CYP2C18: variants seen among roughly 807,000 people sequenced by gnomAD.
CYP2C18 encodes the protein cytochrome P450 family 2 subfamily C member 18.
Under a neutral mutation model 41.3 loss-of-function variants are expected in CYP2C18, and 38 were observed. The observed-to-expected ratio is 0.92, with a 90% CI of 0.71 to 1.21. The LOEUF (loss-of-function observed/expected upper bound fraction) is 1.21, where lower values mean the gene tolerates loss of function less well. CYP2C18 is among the 50% of genes most tolerant of loss of function. The pLI is 0.00. For synonymous variants in CYP2C18, 236 were observed against 210.0 expected (o/e 1.12, Z -1.07); for missense variants, 635 against 591.4 (o/e 1.07, Z -0.77).
At chr10:94,727,207 G>A (rs1195614201) in intron 7 of CYP2C18, among the ~76,000 whole-genome samples, 2 of 152,170 alleles carry the variant, frequency 1.3e-5, no homozygotes, top group African/African-American at 2.4e-5. Flanking sequence ...AAAAGCCTGA[G>A]TAGTTAAAAA....
chr10:94,704,150 C>T (rs1847294635), intron 4 of CYP2C18, among the ~76,000 whole-genome samples: 1 of 152,138 alleles, frequency 6.6e-6, no homozygotes, highest in Non-Finnish European at 1.5e-5. Flanking sequence ...TCGTTGGGAA[C>T]CACAGACTGG....
chr10:94,712,018 T>TC (rs946953376), intron 5 of CYP2C18, among the ~76,000 whole-genome samples: 2 of 145,938 alleles, frequency 1.4e-5, no homozygotes, highest in African/African-American at 5.1e-5. Flanking sequence ...ATTTTTTTTT[T>TC]TTTTTTTTTT....
Position 94,694,850 on chromosome 10 carries a change from T to A in CYP2C18, c.482-67T>A, listed in dbSNP as rs546288967. 2.0e-6 allele frequency: 3 copies of A among 1,525,210 alleles called. No individual in the cohort carries two copies. In the East Asian group the frequency reaches 7.1e-5, roughly 36 times the overall value. The allele number at this position is 1,525,210 out of a possible 1,614,324, so 94.5% of individuals were successfully genotyped here. On this transcript the variant is annotated intron_variant, in intron 3 of 8. Transcript: ENST00000285979. ...TAGAGTTTCTAAAAATACTTTTTCC[T>A]GTATCAAAGACAAAGTATTTTATAT...
chr10:94,687,114 A>T (rs919707821), intron 1 of CYP2C18, among the ~76,000 whole-genome samples: 1 of 152,182 alleles, frequency 6.6e-6, no homozygotes, highest in Non-Finnish European at 1.5e-5. Flanking sequence ...TCTGTGACCT[A>T]TGAGTGTATA....
At chr10:94,697,885 G>A (rs1847151208) in intron 4 of CYP2C18, among the ~76,000 whole-genome samples, 1 of 152,112 alleles carries the variant, frequency 6.6e-6, no homozygotes, top group Non-Finnish European at 1.5e-5. Flanking sequence ...AGACAAACAA[G>A]GCCATTACAT....
chr10:94,703,151 C>A (rs958652182), intron 4 of CYP2C18, among the ~76,000 whole-genome samples: 4 of 152,164 alleles, frequency 2.6e-5, no homozygotes, highest in Non-Finnish European at 5.9e-5. Context: ...CCAGAGTTCT[C>A]CTGTATGACA....
chr10:94,707,005 G>A (rs1158455892), intron 5 of CYP2C18, 45 bp downstream of exon 5: 1 of 1,535,438 alleles, frequency 6.5e-7, no homozygotes, highest in Non-Finnish European at 8.9e-7. Context: ...TCATTGATTA[G>A]TTCTATAACG....
At position 94,727,412 on chromosome 10, in the gene CYP2C18, G is replaced by A. The variant is rs866855599; in HGVS notation, c.1149+2879G>A. Among the ~76,000 whole-genome samples the A allele has an allele frequency of 9.2e-5, 14 of 152,134 alleles. No homozygotes were observed. The Middle Eastern group carries it at 0.02, about 222-fold the overall frequency. On this transcript the variant is annotated intron_variant, in intron 7 of 8. Coordinates refer to ENST00000285979, the MANE Select transcript of CYP2C18 (RefSeq NM_000772.3). The stretch of plus-strand genomic sequence containing the variant: ...GAAGGATCATTTGCACCCAGGAGCT[G>A]GAGGCCAGCCTGAGCAACATAGTGA...
chr10:94,690,128 T>G (rs1443192544), intron 3 of CYP2C18, among the ~76,000 whole-genome samples: 1 of 152,136 alleles, frequency 6.6e-6, no homozygotes, highest in African/African-American at 2.4e-5. Flanking sequence ...GAAGTCTGTT[T>G]TGGGGCAACC....
intron 5 of CYP2C18, among the ~76,000 whole-genome samples, chr10:94,715,513 T>G (rs1216392561): frequency 6.6e-6 from 1 of 152,214 alleles, no homozygotes; most frequent in Non-Finnish European, 1.5e-5. Flanking sequence ...GAACCAGCCT[T>G]GCATCCCAGG....
rs75756203 is a variant in CYP2C18, at chr10:94,709,629, G to C, written c.819+2669G>C. On this transcript the variant is annotated intron_variant, in intron 5 of 8. Coordinates refer to ENST00000285979, the MANE Select transcript of CYP2C18 (RefSeq NM_000772.3). Reference sequence around the variant, plus strand: ...TGAAATCCAATTTATTTATTTATTTGCATGGTTTCTTGCAATTTTTTTGTC... The same window carrying C: ...TGAAATCCAATTTATTTATTTATTTCCATGGTTTCTTGCAATTTTTTTGTC... Among the ~76,000 whole-genome samples the C allele has an allele frequency of 3.1e-3, 476 of 152,036 alleles. 3 individuals are homozygous for C. Among genetic ancestry groups the C allele is most frequent in the African/African-American group, 0.011 (449 of 41,480 alleles).
At chr10:94,699,440 TA>T (rs1478123960) in intron 4 of CYP2C18, among the ~76,000 whole-genome samples, 1 of 152,168 alleles carries the variant, frequency 6.6e-6, no homozygotes, top group Admixed American at 6.5e-5. Context: ...CCCTTCATGC[TA>T]AAAACTTTCA....
chr10:94,720,806 GTC>G (rs1170539408), intron 6 of CYP2C18, among the ~76,000 whole-genome samples: 1 of 152,160 alleles, frequency 6.6e-6, no homozygotes, highest in Non-Finnish European at 1.5e-5. Context: ...TTAATAAAGT[GTC>G]TAGATTTCAT....
At chr10:94,699,293 G>A (rs932459036) in intron 4 of CYP2C18, among the ~76,000 whole-genome samples, 1 of 152,148 alleles carries the variant, frequency 6.6e-6, no homozygotes. Flanking sequence ...GATGAAGTGG[G>A]CTTCATCCCT....
At chr10:94,696,205 C>G (rs183611485) in intron 4 of CYP2C18, among the ~76,000 whole-genome samples, 2 of 152,146 alleles carry the variant, frequency 1.3e-5, no homozygotes, top group African/African-American at 2.4e-5. Flanking sequence ...CCTGACCCCC[C>G]AGTAGCCTAA....
In CYP2C18 at chr10:94,720,468, G is replaced by C. The variant is rs753270728; in HGVS notation, c.892G>C (p.Gly298Arg). 14 of 1,613,164 alleles carry C rather than the reference G, an allele frequency of 8.7e-6. No individual in the cohort carries two copies. In the East Asian group the frequency reaches 3.1e-4, roughly 36 times the overall value. Residue 298 changes from glycine to arginine, a missense_variant, in exon 6 of 9, where the codon GGA becomes CGA. By Grantham distance (125) the Gly-to-Arg change is moderately radical. Transcript: ENST00000285979. ...IATVTDMFGA[G>R]TETTSTTLRY... ...CACTGTAACTGATATGTTTGGGGCT[G>C]GAACAGAGACAACGAGCACCACTCT...
intron 5 of CYP2C18, among the ~76,000 whole-genome samples, chr10:94,711,252 A>G (rs1288134685): frequency 6.6e-6 from 1 of 152,038 alleles, no homozygotes; most frequent in Non-Finnish European, 1.5e-5. Context: ...TACTAGATCA[A>G]GTTGACTATT....
intron 7 of CYP2C18, among the ~76,000 whole-genome samples, chr10:94,725,020 G>C (rs1926711): frequency 6.7e-6 from 1 of 148,340 alleles, no homozygotes; most frequent in Non-Finnish European, 1.5e-5. Context: ...CATGTATTAC[G>C]TTTTTTTTCT....
intron 4 of CYP2C18, among the ~76,000 whole-genome samples, chr10:94,698,188 G>C (rs557281644): frequency 1.3e-5 from 2 of 152,184 alleles, no homozygotes; most frequent in Non-Finnish European, 2.9e-5. Context: ...ATTCTTTTCA[G>C]CACCACACCA....
Sources: gnomAD v4.1 joint callset for allele counts (sites outside exome capture counted in the v4.1 genomes callset) on GRCh38, gnomAD v4.1.1 for gene constraint, MANE v1.5 for transcripts, NCBI Gene and HGNC (gene_info 2026-07-23, HGNC 2026-07-21) for gene names.